The following ACAA2 variants were observed in gnomAD, a reference collection of about 807,000 sequenced individuals.
The protein encoded by ACAA2 is acetyl-CoA acyltransferase 2, also known as 3-ketoacyl-CoA thiolase, mitochondrial.
Under a neutral mutation model 44.8 loss-of-function variants are expected in ACAA2, and 35 were observed. That is an observed-to-expected ratio of 0.78 (90% CI 0.60 to 1.04). ACAA2 has a LOEUF of 1.04. Ranked by LOEUF, ACAA2 falls within the 50% of genes least tolerant of loss-of-function variation. The probability of loss-of-function intolerance (pLI) is 0.00; values close to 1 mark genes in which losing one functional copy is unlikely to be tolerated. For synonymous variants in ACAA2, 142 were observed against 166.5 expected (o/e 0.85, Z 1.13); for missense variants, 468 against 482.6 (o/e 0.97, Z 0.28).
intron 9 of ACAA2, 89 bp from the exon 10 acceptor site, chr18:49,784,020 T>C (rs553797614): frequency 2.3e-4 from 242 of 1,058,064 alleles, no homozygotes; most frequent in Non-Finnish European, 3.3e-4. Flanking sequence ...GCATTACTCA[T>C]CCTTATTCAG....
intron 7 of ACAA2, among the ~76,000 whole-genome samples, chr18:49,790,461 C>G (rs1299957091): frequency 1.3e-5 from 2 of 152,162 alleles, no homozygotes; most frequent in Non-Finnish European, 2.9e-5. Flanking sequence ...TTATCCTCCT[C>G]CTCCTCTCTT....
chr18:49,789,260 C>A lies in ACAA2; in HGVS notation c.884-1899G>T, dbSNP rs150603468. ...TAGGTAATCATGGAACTGAGAACCA[C>A]TATTCTTGTAAGTTAGATTAACAAA... On this transcript the variant is annotated intron_variant, in intron 7 of 9. Transcript: ENST00000285093. Among the ~76,000 whole-genome samples, 510 of 152,256 alleles carry A rather than the reference C, an allele frequency of 3.3e-3. 7 individuals are homozygous for A. Among genetic ancestry groups the A allele is most frequent in the Non-Finnish European group, 1.6e-3 (108 of 68,022 alleles).
At chr18:49,785,153 A>G (rs924838226) in intron 9 of ACAA2, 44 bp downstream of exon 9, 1 of 1,596,382 alleles carries the variant, frequency 6.3e-7, no homozygotes, top group Non-Finnish European at 8.5e-7. Flanking sequence ...ATGCATTTCT[A>G]TAAAAAACAG....
intron 2 of ACAA2, among the ~76,000 whole-genome samples, chr18:49,799,209 G>GCTCTCC (rs2023499108): frequency 6.6e-6 from 1 of 152,018 alleles, no homozygotes; most frequent in African/African-American, 2.4e-5. Flanking sequence ...AAAATCCACA[G>GCTCTCC]CTCTCCCTCT....
rs953249162 is a variant in ACAA2 at position 49,801,178 on chromosome 18, C to T, written c.183+1509G>A. ...TTTGTGGTATTTGTCAAATGTTATTCGAAGCATATTCTGTTCTCTCTTAAC... is the reference window on the plus strand; with the variant it reads ...TTTGTGGTATTTGTCAAATGTTATTTGAAGCATATTCTGTTCTCTCTTAAC... On this transcript the variant is annotated intron_variant, in intron 2 of 9. Coordinates refer to ENST00000285093, the MANE Select transcript of ACAA2 (RefSeq NM_006111.3). Among the ~76,000 whole-genome samples, 10 of 152,232 alleles carry T rather than the reference C, an allele frequency of 6.6e-5. No homozygotes were observed. The East Asian group carries it at 1.7e-3, about 26-fold the overall frequency.
intron 1 of ACAA2, among the ~76,000 whole-genome samples, chr18:49,806,447 C>G (rs1185046489): frequency 1.3e-5 from 2 of 152,148 alleles, no homozygotes; most frequent in Non-Finnish European, 2.9e-5. Context: ...CAAGGGGAGA[C>G]ATAGTTTATC....
At chr18:49,795,979 A>T (rs1295147558) in intron 3 of ACAA2, 98 bp from the exon 4 acceptor site, 1 of 762,278 alleles carries the variant, frequency 1.3e-6, no homozygotes, top group African/African-American at 1.8e-5. Context: ...AAATCAAACA[A>T]ATATTGTACT....
chr18:49,792,098 CTTTTGTTGAA>C, intron 6 of ACAA2, 44 bp downstream of exon 6: 1 of 1,463,406 alleles, frequency 6.8e-7, no homozygotes, highest in South Asian at 1.3e-5. Flanking sequence ...TTCATGATTA[CTTTTGTTGAA>C]CACACCAGGA....
intron 1 of ACAA2, among the ~76,000 whole-genome samples, chr18:49,807,586 T>C (rs142723069): frequency 7.6e-4 from 116 of 152,024 alleles, no homozygotes; most frequent in African/African-American, 2.7e-3. Flanking sequence ...AATCCCAGCA[T>C]TTTGGAAGGC....
At chr18:49,807,218 G>A (rs1489337477) in intron 1 of ACAA2, among the ~76,000 whole-genome samples, 1 of 152,120 alleles carries the variant, frequency 6.6e-6, no homozygotes, top group Non-Finnish European at 1.5e-5. Flanking sequence ...AACATAGCGA[G>A]ATCCCCATCT....
intron 2 of ACAA2, among the ~76,000 whole-genome samples, chr18:49,800,029 G>A (rs2023521143): frequency 1.3e-5 from 2 of 150,776 alleles, no homozygotes; most frequent in Admixed American, 1.3e-4. Flanking sequence ...CAGCCACCCT[G>A]TCTGGGAAGT....
At position 49,785,214 on chromosome 18, in the gene ACAA2, G is replaced by A. The variant is rs768981550; in HGVS notation, c.1092C>T (p.His364=). The A allele has an allele frequency of 5.6e-6, 9 of 1,612,398 alleles. No individual in the cohort carries two copies. Among genetic ancestry groups the A allele is most frequent in the Admixed American group, 5.1e-5 (3 of 59,204 alleles). The change falls in exon 9 of 10, where the codon CAC becomes CAT. Residue 364 remains histidine, a synonymous_variant. Coordinates refer to ENST00000285093, the MANE Select transcript of ACAA2 (RefSeq NM_006111.3). ...GCAAATACCTTAATTCGTGAACCAG[G>A]TGTGCAGTAATTCTTGATCCAGATC... The part of the protein sequence containing the change: ...LGGSGSRITA[H]LVHELRRRGG...
At chr18:49,787,432 C>T in intron 7 of ACAA2, 71 bp from the exon 8 acceptor site, 2 of 1,112,444 alleles carry the variant, frequency 1.8e-6, no homozygotes, top group Non-Finnish European at 2.4e-6. Flanking sequence ...TATCAAGCTT[C>T]TCCTTCTTTC....
At position 49,783,539 on chromosome 18, in the gene ACAA2, A is replaced by G. The variant is rs7237253; in HGVS notation, c.*308T>C. On this transcript the variant is annotated 3_prime_UTR_variant, in exon 10 of 10. Coordinates refer to ENST00000285093, the MANE Select transcript of ACAA2 (RefSeq NM_006111.3). ...GCAACATTTATTTGATTTCCTTATA[A>G]TCATATTATCTAAGGCAGAAGTGGT... is the stretch of plus-strand genomic sequence containing the variant. 0.08 allele frequency: 18,124 copies of G among 227,110 alleles called. 881 individuals are homozygous for G. The highest frequency in any genetic ancestry group is 0.15 in the African/African-American group (6,709 of 44,816). The allele number at this position is 227,110 out of a possible 1,614,324, so 14.1% of individuals were successfully genotyped here.
At chr18:49,784,732 T>TCCTCCTG (rs1028522264) in intron 9 of ACAA2, among the ~76,000 whole-genome samples, 4 of 152,096 alleles carry the variant, frequency 2.6e-5, no homozygotes, top group Non-Finnish European at 5.9e-5. Flanking sequence ...CCCAAAAGGT[T>TCCTCCTG]CCTCCTGGAA....
intron 2 of ACAA2, among the ~76,000 whole-genome samples, chr18:49,798,543 A>T (rs1433676585): frequency 2.0e-5 from 3 of 151,780 alleles, no homozygotes; most frequent in Non-Finnish European, 4.4e-5. Context: ...AGCAAGAGCA[A>T]AAGCAAGTTT....
intron 2 of ACAA2, among the ~76,000 whole-genome samples, chr18:49,800,890 T>TAAAAAAAA (rs5824805): frequency 2.5e-5 from 3 of 121,126 alleles, no homozygotes; most frequent in Admixed American, 8.4e-5. Context: ...GAATGATCAA[T>TAAAAAAAA]AAAAAAAAAA....
At chr18:49,786,810 T>A (rs2023335091) in intron 8 of ACAA2, among the ~76,000 whole-genome samples, 1 of 152,218 alleles carries the variant, frequency 6.6e-6, no homozygotes, top group South Asian at 2.1e-4. Context: ...TCAAAAATTA[T>A]GATAGGTGCA....
chr18:49,809,931 T>A lies in ACAA2; in HGVS notation c.16+3538A>T, dbSNP rs182817396. Among the ~76,000 whole-genome samples the A allele has an allele frequency of 1.9e-3, 297 of 152,326 alleles. 3 individuals are homozygous for A. The highest frequency in any genetic ancestry group is 1.3e-3 in the Non-Finnish European group (90 of 68,032). On this transcript the variant is annotated intron_variant, in intron 1 of 9. Coordinates refer to ENST00000285093, the MANE Select transcript of ACAA2 (RefSeq NM_006111.3). ...AATTGTAACAAATGTACCACACTAATGCAAAATGTTAATAATAGGGGAAAC... is the reference window on the plus strand; with the variant it reads ...AATTGTAACAAATGTACCACACTAAAGCAAAATGTTAATAATAGGGGAAAC...
Sources: gnomAD v4.1 joint callset for allele counts (sites outside exome capture counted in the v4.1 genomes callset) on GRCh38, gnomAD v4.1.1 for gene constraint, MANE v1.5 for transcripts, NCBI Gene and HGNC (gene_info 2026-07-23, HGNC 2026-07-21) for gene names.